The following ATP13A4 variants were observed in gnomAD, a reference collection of about 807,000 sequenced individuals.
The protein encoded by ATP13A4 is ATPase 13A4, also known as probable cation-transporting ATPase 13A4.
A neutral mutation model predicts 142.5 loss-of-function variants in ATP13A4; 114 were observed. The ratio of observed to expected loss-of-function variants is 0.80; its 90% CI spans 0.69 to 0.93. ATP13A4 has a LOEUF of 0.93. Among genes scored for constraint, ATP13A4 ranks in the 40% least tolerant of loss-of-function variants. The pLI, the probability that ATP13A4 is intolerant of heterozygous loss-of-function variation, is 0.00. For synonymous variants in ATP13A4, 488 were observed against 514.8 expected, an observed-to-expected ratio of 0.95 and a Z score of 0.70; for missense variants, 1,392 against 1,454.0, an observed-to-expected ratio of 0.96 and a Z score of 0.69.
At chr3:193,536,868 C>G (rs927366641) in intron 1 of ATP13A4, among the ~76,000 whole-genome samples, 2 of 151,810 alleles carry the variant, frequency 1.3e-5, no homozygotes, top group Non-Finnish European at 2.9e-5. Context: ...TACAATCACT[C>G]CAAAGAAATG....
In ATP13A4 at chr3:193,407,383, G is replaced by A. The variant is rs142996960; in HGVS notation, c.3308C>T (p.Thr1103Ile). The change falls in exon 29 of 30, where the codon ACT becomes ATT. Residue 1103 changes from threonine to isoleucine, a missense_variant. Physicochemically the swap from Thr to Ile is moderately conservative, Grantham distance 89 (BLOSUM62 -1). Transcript: ENST00000342695. ...ELYRRLDLLC[T>I]PVLWRASIVI... ...AATGGAGGCCCTCCACAGGACGGGA[G>A]TGCAGAGCAGCTGGCGGGAGATGAT... 1.9e-6 allele frequency: 3 copies of A among 1,612,898 alleles called. No individual in the cohort carries two copies. The African/African-American group carries it at 4.0e-5, about 22-fold the overall frequency.
chr3:193,500,879 A>T (rs772049632), intron 3 of ATP13A4, among the ~76,000 whole-genome samples: 2 of 152,226 alleles, frequency 1.3e-5, no homozygotes, highest in African/African-American at 2.4e-5. Context: ...TGAAGTTCAC[A>T]AATGACCTTA....
chr3:193,434,970 C>T (rs188428619), intron 24 of ATP13A4, among the ~76,000 whole-genome samples: 2 of 152,238 alleles, frequency 1.3e-5, no homozygotes, highest in Admixed American at 6.5e-5. Context: ...AAAGCCAATA[C>T]AAAAACTTAA....
rs527961964 is a variant in ATP13A4 at position 193,480,701 on chromosome 3, C to A, written c.808+3235G>T. 7.2e-5 allele frequency among the ~76,000 whole-genome samples: 11 copies of A among 152,224 alleles called. No homozygotes were observed. In the East Asian group the frequency reaches 2.1e-3, roughly 29 times the overall value. ...GTGGGAATGTAAACTAGTAAAACTG[C>A]TATGGAAAACACTATGGAGATTCCT... On this transcript the variant is annotated intron_variant, in intron 8 of 29. Coordinates refer to ENST00000342695, the MANE Select transcript of ATP13A4 (RefSeq NM_032279.4).
At chr3:193,511,342 C>G (rs1300069842) in intron 2 of ATP13A4, among the ~76,000 whole-genome samples, 1 of 152,144 alleles carries the variant, frequency 6.6e-6, no homozygotes, top group African/African-American at 2.4e-5. Flanking sequence ...CAGTATATGT[C>G]CATTTGCAAA....
At chr3:193,483,857 G>A in intron 8 of ATP13A4, 79 bp downstream of exon 8, 2 of 1,126,958 alleles carry the variant, frequency 1.8e-6, no homozygotes, top group Non-Finnish European at 2.7e-6. Flanking sequence ...GGGAATAACA[G>A]CAGCAATCAG....
chr3:193,588,728 T>G (rs984213691), intron 1 of ATP13A4, among the ~76,000 whole-genome samples: 2 of 152,170 alleles, frequency 1.3e-5, no homozygotes, highest in African/African-American at 4.8e-5. Context: ...TTGCTACCCA[T>G]TACTTGGTCC....
chr3:193,501,568 A>G (rs773094353), intron 3 of ATP13A4, among the ~76,000 whole-genome samples: 105 of 151,544 alleles, frequency 6.9e-4, no homozygotes, highest in Non-Finnish European at 1.1e-3. Context: ...ACCCTGGGCA[A>G]CAAGAGTGAA....
chr3:193,560,331 C>T (rs544337616), intron 2 of ATP13A4, among the ~76,000 whole-genome samples: 1 of 152,120 alleles, frequency 6.6e-6, no homozygotes, highest in East Asian at 1.9e-4. Context: ...ACCTCAGCCT[C>T]TCAAGCAGTT....
intron 23 of ATP13A4, among the ~76,000 whole-genome samples, chr3:193,437,989 G>A (rs1011793684): frequency 4.6e-5 from 7 of 151,982 alleles, no homozygotes; most frequent in South Asian, 2.1e-4. Context: ...CTGCTACCAC[G>A]CCCAGCTAAT....
chr3:193,546,090 T>G (rs1215917191), intron 1 of ATP13A4, among the ~76,000 whole-genome samples: 1 of 151,686 alleles, frequency 6.6e-6, no homozygotes, highest in African/African-American at 2.4e-5. Context: ...GTATTATTAT[T>G]GAAACTGGCC....
chr3:193,446,504 G>C (rs904905899), intron 18 of ATP13A4, among the ~76,000 whole-genome samples: 5 of 152,114 alleles, frequency 3.3e-5, no homozygotes, highest in African/African-American at 1.2e-4. Context: ...CATAAAACTG[G>C]TCCATTCAGA....
intron 8 of ATP13A4, 143 bp downstream of exon 8, chr3:193,483,792 AC>A (rs202078048): frequency 0.021 from 13,983 of 660,212 alleles, no homozygotes; most frequent in South Asian, 0.027. Context: ...AAAAAAAAAA[AC>A]TTAAGTTCCT....
At chr3:193,563,623 G>A (rs967823941) in intron 2 of ATP13A4, among the ~76,000 whole-genome samples, 6 of 152,072 alleles carry the variant, frequency 3.9e-5, no homozygotes, top group African/African-American at 7.2e-5. Context: ...GTGTAATTGC[G>A]CCACTGCACT....
Position 193,459,112 on chromosome 3 carries a change from A to G in ATP13A4, c.1643T>C (p.Leu548Pro). ...LLDGTIQGDPLDLKMFEATTW... is the reference protein window; with the variant it reads ...LLDGTIQGDPPDLKMFEATTW... The stretch of plus-strand genomic sequence containing the variant: ...GGTGGCTTCAAACATTTTGAGGTCC[A>G]GAGGGTCTCCCTGGATGGTCCCATC... The change falls in exon 14 of 30, where the codon CTG becomes CCG. Residue 548 changes from leucine (L) to proline (P), a missense_variant. Leu to Pro is a moderately conservative substitution (Grantham distance 98). Coordinates refer to ENST00000342695, the MANE Select transcript of ATP13A4 (RefSeq NM_032279.4). The G allele has an allele frequency of 6.2e-7, 1 of 1,614,254 alleles. No individual in the cohort carries two copies. Among genetic ancestry groups the G allele is most frequent in the South Asian group, 1.1e-5 (1 of 91,090 alleles).
intron 1 of ATP13A4, among the ~76,000 whole-genome samples, chr3:193,537,592 T>C (rs1053201270): frequency 3.3e-5 from 5 of 152,128 alleles, no homozygotes; most frequent in East Asian, 1.9e-4. Context: ...AATTGACAAA[T>C]TGGACTTTGT....
At chr3:193,489,295 A>T (rs6762317) in intron 7 of ATP13A4, among the ~76,000 whole-genome samples, 1 of 151,938 alleles carries the variant, frequency 6.6e-6, no homozygotes, top group African/African-American at 2.4e-5. Flanking sequence ...TGGTGTAGGC[A>T]TAAAGAAAGT....
At chr3:193,470,182 C>T (rs991937141) in intron 9 of ATP13A4, among the ~76,000 whole-genome samples, 1 of 152,200 alleles carries the variant, frequency 6.6e-6, no homozygotes, top group Non-Finnish European at 1.5e-5. Flanking sequence ...GTCAGCCAAA[C>T]ATCTCATCAT....
intron 8 of ATP13A4, among the ~76,000 whole-genome samples, chr3:193,474,498 T>A (rs1405208501): frequency 1.3e-5 from 2 of 149,594 alleles, no homozygotes; most frequent in African/African-American, 2.5e-5. Flanking sequence ...ACTGCACCAT[T>A]GCACTCCAGT....
Sources: allele counts gnomAD v4.1 joint callset (sites outside exome capture counted in the v4.1 genomes callset), GRCh38; gene constraint gnomAD v4.1.1; transcripts MANE v1.5; gene names NCBI Gene and HGNC (gene_info 2026-07-23, HGNC 2026-07-21).